NCAM2: variants seen among roughly 807,000 people sequenced by gnomAD.
NCAM2 encodes the protein N-CAM-2.
NCAM2 carries 30 observed loss-of-function variants against 98.1 expected under a neutral mutation model. The observed-to-expected ratio is 0.31, with a 90% CI of 0.23 to 0.41. The LOEUF (loss-of-function observed/expected upper bound fraction) is 0.41. Among genes scored for constraint, NCAM2 ranks in the 10% least tolerant of loss-of-function variants. The pLI is 1.00. For synonymous variants in NCAM2, 368 were observed against 342.4 expected (o/e 1.07, Z -0.83); for missense variants, 867 against 1,005.8 (o/e 0.86, Z 1.87).
chr21:21,177,036 C>T (rs1430222217), intron 1 of NCAM2, among the ~76,000 whole-genome samples: 1 of 152,012 alleles, frequency 6.6e-6, no homozygotes. Flanking sequence ...TTTATTGGAT[C>T]AACTATACTT....
At chr21:21,194,843 ATAAGAATTCC>A (rs2068949989) in intron 1 of NCAM2, among the ~76,000 whole-genome samples, 1 of 152,210 alleles carries the variant, frequency 6.6e-6, no homozygotes, top group Admixed American at 6.5e-5. Context: ...CATGTTGTAC[ATAAGAATTCC>A]TGAACTTCTT....
chr21:21,306,569 A>G (rs980273451), intron 5 of NCAM2, among the ~76,000 whole-genome samples: 1 of 152,066 alleles, frequency 6.6e-6, no homozygotes, highest in South Asian at 2.1e-4. Flanking sequence ...ATTTTGAGGG[A>G]ACATAGTAGG....
chr21:21,213,318 T>G (rs953618573), intron 1 of NCAM2, among the ~76,000 whole-genome samples: 9 of 152,170 alleles, frequency 5.9e-5, no homozygotes, highest in African/African-American at 2.2e-4. Context: ...AACTATTGAC[T>G]AAAGGTTAAG....
At chr21:21,251,081 T>G (rs796347956) in intron 1 of NCAM2, among the ~76,000 whole-genome samples, 4 of 152,338 alleles carry the variant, frequency 2.6e-5, no homozygotes, top group African/African-American at 9.6e-5. Flanking sequence ...GTGTCGTGAT[T>G]TTTTTTCCTT....
intron 1 of NCAM2, among the ~76,000 whole-genome samples, chr21:21,063,292 C>T (rs903368790): frequency 1.5e-5 from 2 of 134,544 alleles, no homozygotes; most frequent in African/African-American, 5.6e-5. Context: ...GACCTGGGCT[C>T]ACTGCAACCT....
intron 1 of NCAM2, among the ~76,000 whole-genome samples, chr21:21,258,492 G>C (rs186795748): frequency 6.6e-6 from 1 of 152,252 alleles, no homozygotes; most frequent in African/African-American, 2.4e-5. Context: ...CACAGAAAGG[G>C]TAAGTGGGAG....
At chr21:21,038,051 A>T (rs1032306386) in intron 1 of NCAM2, among the ~76,000 whole-genome samples, 2 of 152,116 alleles carry the variant, frequency 1.3e-5, no homozygotes, top group Admixed American at 6.6e-5. Flanking sequence ...AATATATTGG[A>T]TATGATCCCT....
rs1224825110 is a variant in NCAM2, at chr21:21,543,016, A to ATT, written c.*5059_*5060insTT. On this transcript the variant is annotated 3_prime_UTR_variant, in exon 18 of 18. Coordinates refer to ENST00000400546, the MANE Select transcript of NCAM2 (RefSeq NM_004540.5). ...AAGTTAGAAATAAAGGTTTTTTTAA[A>ATT]AAAAAAGCTTTTTTGGTATGTGAAC... 1 of 142,512 alleles carries ATT rather than the reference A, an allele frequency of 7.0e-6. No homozygotes were observed. Among genetic ancestry groups the ATT allele is most frequent in the Non-Finnish European group, 1.6e-5 (1 of 64,452 alleles). The allele number at this position is 142,512 out of a possible 1,614,324, so 8.8% of individuals were successfully genotyped here.
In NCAM2 at chr21:21,132,032, G is replaced by A. The variant is rs77300113; in HGVS notation, c.55+133414G>A. On this transcript the variant is annotated intron_variant, in intron 1 of 17. Coordinates refer to ENST00000400546, the MANE Select transcript of NCAM2 (RefSeq NM_004540.5). ...ATACAGGGCTAAAATCTGGGTGTTA[G>A]CATCTGTTACTTCTCAAAGCTGAGG... Among the ~76,000 whole-genome samples, 678 of 152,292 alleles carry A rather than the reference G, an allele frequency of 4.5e-3. 3 individuals carry two copies. The highest frequency in any genetic ancestry group is 0.016 in the African/African-American group (648 of 41,568).
rs1399040534 is a variant in NCAM2 at position 21,337,745 on chromosome 21, A to G, written c.899-644A>G. Among the ~76,000 whole-genome samples, 4 of 152,110 alleles carry G rather than the reference A, an allele frequency of 2.6e-5. No individual in the cohort carries two copies. In the East Asian group the frequency reaches 5.8e-4, roughly 22 times the overall value. ...TGCTTTTCTTTTTATACAATTGATG[A>G]TTAAAAATTAGTTACGTTGTCTAGT... On this transcript the variant is annotated intron_variant, in intron 7 of 17. Coordinates refer to ENST00000400546, the MANE Select transcript of NCAM2 (RefSeq NM_004540.5).
intron 10 of NCAM2, among the ~76,000 whole-genome samples, chr21:21,412,405 G>A (rs2076905467): frequency 6.6e-6 from 1 of 152,190 alleles, no homozygotes; most frequent in African/African-American, 2.4e-5. Context: ...TGGGCAGAGT[G>A]AGGAGGCGGG....
chr21:21,327,890 C>T (rs1263938172), intron 6 of NCAM2, among the ~76,000 whole-genome samples: 1 of 152,136 alleles, frequency 6.6e-6, no homozygotes, highest in East Asian at 1.9e-4. Context: ...GAATCAAAAG[C>T]ACTTAGTGAC....
intron 1 of NCAM2, among the ~76,000 whole-genome samples, chr21:21,222,469 T>C (rs2070209178): frequency 6.6e-6 from 1 of 152,168 alleles, no homozygotes; most frequent in Non-Finnish European, 1.5e-5. Context: ...GAAGTCAAAA[T>C]GTCGTTAGTA....
At chr21:21,065,126 G>GCT (rs957016417) in intron 1 of NCAM2, among the ~76,000 whole-genome samples, 103 of 150,582 alleles carry the variant, frequency 6.8e-4, no homozygotes, top group African/African-American at 2.1e-3. Context: ...GTTGCAGTGA[G>GCT]CCGAGATCAC....
chr21:21,157,951 A>G (rs1205554400), intron 1 of NCAM2, among the ~76,000 whole-genome samples: 3 of 152,264 alleles, frequency 2.0e-5, no homozygotes, highest in East Asian at 1.9e-4. Flanking sequence ...ATTTAATATG[A>G]GGGAACCAAG....
chr21:21,244,479 A>G (rs950139512), intron 1 of NCAM2, among the ~76,000 whole-genome samples: 2 of 152,180 alleles, frequency 1.3e-5, no homozygotes, highest in Non-Finnish European at 2.9e-5. Context: ...CCCAAAAATT[A>G]CCTTAAATAA....
intron 16 of NCAM2, among the ~76,000 whole-genome samples, chr21:21,529,874 T>A (rs916678720): frequency 1.3e-5 from 2 of 151,100 alleles, no homozygotes; most frequent in African/African-American, 4.8e-5. Flanking sequence ...ATATCACCTT[T>A]TATGATAGAC....
rs546899518 is a variant in NCAM2, at chr21:21,439,212, G to A, written c.1654+6931G>A. ...TAGCTCACTACAACCTCCGCCTCCC[G>A]GGTTCAAGCAATTCTCCTGCCTCAG... is the stretch of plus-strand genomic sequence containing the variant. On this transcript the variant is annotated intron_variant, in intron 12 of 17. Coordinates refer to ENST00000400546, the MANE Select transcript of NCAM2 (RefSeq NM_004540.5). 1.3e-3 allele frequency among the ~76,000 whole-genome samples: 198 copies of A among 151,224 alleles called. 1 individual carries two copies. Among genetic ancestry groups the A allele is most frequent in the African/African-American group, 4.5e-3 (186 of 41,128 alleles).
At chr21:21,146,979 G>A (rs1415433828) in intron 1 of NCAM2, 4 of 602,220 alleles carry the variant, frequency 6.6e-6, no homozygotes, top group Non-Finnish European at 8.1e-6. Flanking sequence ...CCGGAACTCA[G>A]ACCGCTGCCT....
Sources: allele counts gnomAD v4.1 joint callset (sites outside exome capture counted in the v4.1 genomes callset), GRCh38; gene constraint gnomAD v4.1.1; transcripts MANE v1.5; gene names NCBI Gene and HGNC (gene_info 2026-07-23, HGNC 2026-07-21).